ST18: variants seen among roughly 807,000 people sequenced by gnomAD.
ST18 encodes the protein suppression of tumorigenicity 18 protein.
Under a neutral mutation model 110.0 loss-of-function variants are expected in ST18, and 50 were observed. The observed-to-expected ratio is 0.45, with a 90% CI of 0.36 to 0.58. The LOEUF is 0.58. Among genes scored for constraint, ST18 ranks in the 20% least tolerant of loss-of-function variants. The pLI is 0.00. For synonymous variants in ST18, 461 were observed against 452.4 expected, an observed-to-expected ratio of 1.02 and a Z score of -0.24; for missense variants, 1,306 against 1,280.1, an observed-to-expected ratio of 1.02 and a Z score of -0.31.
intron 2 of ST18, among the ~76,000 whole-genome samples, chr8:52,397,575 T>A (rs560853299): frequency 6.6e-6 from 1 of 152,188 alleles, no homozygotes; most frequent in South Asian, 2.1e-4. Flanking sequence ...CACCTAGGAG[T>A]TTTATGGTTT....
At chr8:52,299,929 C>T (rs983712103) in intron 2 of ST18, among the ~76,000 whole-genome samples, 3 of 152,194 alleles carry the variant, frequency 2.0e-5, no homozygotes, top group East Asian at 1.9e-4. Context: ...GGGGAGCCCA[C>T]GATGGATTTC....
chr8:52,119,002 G>A (rs150211811), intron 23 of ST18, among the ~76,000 whole-genome samples: 13 of 152,306 alleles, frequency 8.5e-5, no homozygotes, highest in African/African-American at 2.9e-4. Context: ...CGGGGCTGCT[G>A]GCAGGTGAAT....
intron 2 of ST18, among the ~76,000 whole-genome samples, chr8:52,327,051 T>C (rs1271584153): frequency 1.3e-5 from 2 of 152,216 alleles, no homozygotes; most frequent in Non-Finnish European, 2.9e-5. Flanking sequence ...TTGTTGTTAC[T>C]TGGTCCACAG....
intron 2 of ST18, among the ~76,000 whole-genome samples, chr8:52,379,222 C>G (rs772360166): frequency 2.0e-5 from 3 of 151,750 alleles, no homozygotes; most frequent in Non-Finnish European, 4.4e-5. Context: ...CTCAGCCCCC[C>G]GAGTAGCTGG....
In ST18 at chr8:52,289,622, C is replaced by T. The variant is rs527263181; in HGVS notation, c.-464-59545G>A. On this transcript the variant is annotated intron_variant, in intron 2 of 25. Transcript: ENST00000689386. ...CTGCTAGCAGGCCTGCTACTCTGGG[C>T]TCCTCCAGCTAATGTCATTCACTTC... 1.6e-4 allele frequency among the ~76,000 whole-genome samples: 25 copies of T among 152,304 alleles called. No homozygotes were observed. The South Asian group carries it at 4.6e-3, about 28-fold the overall frequency.
chr8:52,248,502 T>A (rs2094033971), intron 2 of ST18: 1 of 152,156 alleles, frequency 6.6e-6, no homozygotes, highest in African/African-American at 2.4e-5. Flanking sequence ...AACAATATCA[T>A]CCTCTCTTGA....
intron 2 of ST18, among the ~76,000 whole-genome samples, chr8:52,309,084 A>G (rs1386369521): frequency 2.0e-5 from 3 of 152,222 alleles, no homozygotes; most frequent in Non-Finnish European, 4.4e-5. Flanking sequence ...ATTGAAATAG[A>G]GACCTTATAT....
At chr8:52,379,526 A>G (rs1399608210) in intron 2 of ST18, among the ~76,000 whole-genome samples, 5 of 152,174 alleles carry the variant, frequency 3.3e-5, no homozygotes, top group South Asian at 2.1e-4. Flanking sequence ...ATTTTTTTCA[A>G]CATATATATT....
chr8:52,199,826 A>G (rs6983307), intron 8 of ST18, among the ~76,000 whole-genome samples: 44,719 of 152,030 alleles, frequency 0.29, 9,590 homozygotes, highest in African/African-American at 0.61. Context: ...TTTGCCTCAC[A>G]CTGTTGTTTA....
At chr8:52,178,821 T>C (rs1219689020) in intron 9 of ST18, among the ~76,000 whole-genome samples, 7 of 151,854 alleles carry the variant, frequency 4.6e-5, no homozygotes, top group Non-Finnish European at 8.8e-5. Flanking sequence ...AGAATTTACT[T>C]AAATACCTTC....
intron 23 of ST18, among the ~76,000 whole-genome samples, chr8:52,124,409 C>T (rs759950421): frequency 1.3e-5 from 2 of 152,006 alleles, no homozygotes; most frequent in East Asian, 1.9e-4. Context: ...CTCCTGATCT[C>T]GTGATCTGCC....
chr8:52,241,978 A>G (rs2093447688), intron 2 of ST18, among the ~76,000 whole-genome samples: 1 of 152,134 alleles, frequency 6.6e-6, no homozygotes, highest in Admixed American at 6.5e-5. Flanking sequence ...AATATGTTAA[A>G]GTTTCTCTGC....
intron 2 of ST18, among the ~76,000 whole-genome samples, chr8:52,377,199 A>T (rs1263843964): frequency 6.6e-6 from 1 of 152,228 alleles, no homozygotes; most frequent in Non-Finnish European, 1.5e-5. Context: ...CTAGAAAAAA[A>T]ATAATTATAT....
chr8:52,259,089 T>C (rs2094605481), intron 2 of ST18, among the ~76,000 whole-genome samples: 1 of 152,132 alleles, frequency 6.6e-6, no homozygotes, highest in South Asian at 2.1e-4. Context: ...GGGCATTCAT[T>C]CTCTCTAGAT....
intron 2 of ST18, among the ~76,000 whole-genome samples, chr8:52,267,201 AG>A (rs1277378147): frequency 2.0e-5 from 3 of 151,954 alleles, no homozygotes; most frequent in Non-Finnish European, 4.4e-5. Context: ...GTAAGACCCT[AG>A]GAGGTGAGGA....
At chr8:52,204,099 A>G in intron 8 of ST18, among the ~76,000 whole-genome samples, 1 of 152,234 alleles carries the variant, frequency 6.6e-6, no homozygotes, top group East Asian at 1.9e-4. Context: ...TCTAAGAGGT[A>G]AAAACAAAGA....
chr8:52,402,280 T>C (rs1843021629), intron 2 of ST18, among the ~76,000 whole-genome samples: 1 of 152,102 alleles, frequency 6.6e-6, no homozygotes, highest in African/African-American at 2.4e-5. Context: ...CAAGGGCACA[T>C]GTGATTGGAA....
chr8:52,370,225 G>C (rs1829760447), intron 2 of ST18, among the ~76,000 whole-genome samples: 1 of 152,190 alleles, frequency 6.6e-6, no homozygotes, highest in Admixed American at 6.5e-5. Context: ...TCTAATAAGG[G>C]ACTTCCTGGG....
At chr8:52,154,700 T>C (rs1319788586) in intron 15 of ST18, 1 of 152,082 alleles carries the variant, frequency 6.6e-6, no homozygotes, top group Non-Finnish European at 1.5e-5. Context: ...TGAAGGACAT[T>C]ATATGCATCT....
Sources: allele counts gnomAD v4.1 joint callset (sites outside exome capture counted in the v4.1 genomes callset), GRCh38; gene constraint gnomAD v4.1.1; transcripts MANE v1.5; gene names NCBI Gene and HGNC (gene_info 2026-07-23, HGNC 2026-07-21).